Variants in ELF2 observed in about 807,000 individuals in gnomAD.
ELF2 encodes ETS-related transcription factor Elf-2.
Under a neutral mutation model 54.8 loss-of-function variants are expected in ELF2, and 11 were observed. The ratio of observed to expected loss-of-function variants is 0.20; its 90% CI spans 0.13 to 0.33. The LOEUF (loss-of-function observed/expected upper bound fraction) is 0.33, where lower values mean the gene tolerates loss of function less well. Ranked by LOEUF, ELF2 falls within the 10% of genes least tolerant of loss-of-function variation. The pLI, the probability that ELF2 is intolerant of heterozygous loss-of-function variation, is 1.00. For missense variants in ELF2, 513 were observed against 703.0 expected (o/e 0.73, Z 3.06); for synonymous variants, 203 against 245.1 (o/e 0.83, Z 1.61).
intron 4 of ELF2, among the ~76,000 whole-genome samples, chr4:139,098,934 T>C (rs1024404952): frequency 2.6e-5 from 4 of 152,224 alleles, no homozygotes; most frequent in Non-Finnish European, 5.9e-5. Flanking sequence ...TTCTACTATC[T>C]TGATTTATTA....
chr4:139,069,376 A>G (rs1201219948), intron 6 of ELF2, among the ~76,000 whole-genome samples: 2 of 152,202 alleles, frequency 1.3e-5, no homozygotes, highest in Non-Finnish European at 2.9e-5. Flanking sequence ...AAAAAGTAAA[A>G]CAGAAAGTTC....
intron 7 of ELF2, 52 bp from the exon 8 acceptor site, chr4:139,062,109 C>T (rs773968120): frequency 3.3e-6 from 5 of 1,498,768 alleles, no homozygotes; most frequent in Non-Finnish European, 4.6e-6. Context: ...TAATTAAATA[C>T]ATAATTAAAA....
At position 139,058,407 on chromosome 4, in the gene ELF2, GTATA is replaced by G. The variant is rs113800639; in HGVS notation, c.*572_*575del. On this transcript the variant is annotated 3_prime_UTR_variant, in exon 10 of 10. Transcript: ENST00000686138. ...AGCTATATGATATATATATATGTAT[GTATA>G]TATATATATATATATATATAAAATC... The G allele has an allele frequency of 6.8e-3, 962 of 141,982 alleles. 5 individuals are homozygous for G. Among genetic ancestry groups the G allele is most frequent in the African/African-American group, 0.014 (530 of 38,858 alleles). The allele number at this position is 141,982 out of a possible 1,614,324, so 8.8% of individuals were successfully genotyped here. A position where few individuals can be genotyped will look rare whatever the true frequency, so the allele number is the denominator to read the frequency against.
intron 1 of ELF2, among the ~76,000 whole-genome samples, chr4:139,142,018 C>G (rs1194363810): frequency 6.6e-6 from 1 of 152,114 alleles, no homozygotes; most frequent in East Asian, 1.9e-4. Context: ...TATATGATAG[C>G]ACAATTTTAG....
intron 4 of ELF2, among the ~76,000 whole-genome samples, chr4:139,111,553 T>C (rs1057460789): frequency 1.3e-5 from 2 of 148,310 alleles, no homozygotes; most frequent in Admixed American, 6.9e-5. Flanking sequence ...TATTACACAA[T>C]TGACTTAAAG....
intron 4 of ELF2, chr4:139,084,409 A>AACGGCAGGGGCAGGG (rs1731686193): frequency 1.3e-5 from 18 of 1,374,352 alleles, no homozygotes; most frequent in Admixed American, 5.4e-5. Context: ...CCCACCACCT[A>AACGGCAGGGGCAGGG]ACGGCAGGGG....
intron 1 of ELF2, among the ~76,000 whole-genome samples, chr4:139,151,725 C>A (rs547553494): frequency 6.6e-6 from 1 of 152,260 alleles, no homozygotes; most frequent in South Asian, 2.1e-4. Flanking sequence ...TAATTTCCCA[C>A]CCAATATGTG....
intron 1 of ELF2, among the ~76,000 whole-genome samples, chr4:139,164,761 T>C (rs1741557803): frequency 6.6e-6 from 1 of 152,262 alleles, no homozygotes; most frequent in Non-Finnish European, 1.5e-5. Context: ...TCTGTTTCTT[T>C]AAGTTTTTAA....
At chr4:139,063,488 A>G (rs1728192688) in intron 7 of ELF2, among the ~76,000 whole-genome samples, 1 of 152,170 alleles carries the variant, frequency 6.6e-6, no homozygotes, top group Non-Finnish European at 1.5e-5. Context: ...TCTGGATCAC[A>G]CTACTAGTAA....
rs1038169331 is a variant in ELF2, at chr4:139,057,551, G to T, written c.*1432C>A. 13 of 152,240 alleles carry T rather than the reference G, an allele frequency of 8.5e-5. No individual in the cohort carries two copies. Among genetic ancestry groups the T allele is most frequent in the African/African-American group, 3.1e-4 (13 of 41,552 alleles). 9.4% of individuals were successfully genotyped at this position (152,240 alleles called of 1,614,324 possible). A position where few individuals can be genotyped will look rare whatever the true frequency, so the allele number is the denominator to read the frequency against. The stretch of plus-strand genomic sequence containing the variant: ...CTGTAAAAGGGCTAGAAGAGTAATT[G>T]TTCTTTTTAATCCACAAAAGGTCTG... On this transcript the variant is annotated 3_prime_UTR_variant, in exon 10 of 10. Transcript: ENST00000686138.
chr4:139,169,132 G>C (rs889461143), intron 1 of ELF2, among the ~76,000 whole-genome samples: 1 of 151,930 alleles, frequency 6.6e-6, no homozygotes, highest in Non-Finnish European at 1.5e-5. Context: ...CAGATCACTT[G>C]AGGTCAGGAG....
At chr4:139,156,207 G>T (rs545470579) in intron 1 of ELF2, among the ~76,000 whole-genome samples, 3 of 151,482 alleles carry the variant, frequency 2.0e-5, no homozygotes, top group Admixed American at 2.0e-4. Context: ...ACGGAGTCTC[G>T]CTCTGTTGCT....
chr4:139,141,173 G>A (rs80176634), intron 1 of ELF2, among the ~76,000 whole-genome samples: 1,830 of 152,224 alleles, frequency 0.012, 12 homozygotes, highest in East Asian at 0.039. Context: ...CATACCATGT[G>A]TCTAAATATT....
intron 3 of ELF2, among the ~76,000 whole-genome samples, chr4:139,126,675 A>G (rs1310188492): frequency 1.3e-5 from 2 of 152,204 alleles, no homozygotes; most frequent in Admixed American, 6.5e-5. Context: ...TTTCTTCAAA[A>G]TTATGAAGAA....
intron 4 of ELF2, among the ~76,000 whole-genome samples, chr4:139,074,002 C>A (rs1354095413): frequency 1.3e-5 from 2 of 152,174 alleles, no homozygotes; most frequent in South Asian, 2.1e-4. Flanking sequence ...GTGGCACATG[C>A]CTGTAATCCC....
At chr4:139,078,667 T>G (rs1463022370) in intron 4 of ELF2, among the ~76,000 whole-genome samples, 2 of 151,662 alleles carry the variant, frequency 1.3e-5, no homozygotes, top group Non-Finnish European at 2.9e-5. Context: ...TTAATTAAAA[T>G]TAAAAATTGA....
chr4:139,069,873 G>T (rs1270332462), intron 6 of ELF2, among the ~76,000 whole-genome samples: 4 of 151,864 alleles, frequency 2.6e-5, no homozygotes, highest in Non-Finnish European at 4.4e-5. Flanking sequence ...TTGAGACAGG[G>T]TCTCACTCTG....
chr4:139,119,021 C>CA (rs779816191), intron 4 of ELF2, among the ~76,000 whole-genome samples: 38 of 151,838 alleles, frequency 2.5e-4, no homozygotes, highest in East Asian at 1.7e-3. Flanking sequence ...ACTTAAAGGG[C>CA]AAAAAAACAA....
chr4:139,127,102 A>C (rs1736998107), intron 3 of ELF2, among the ~76,000 whole-genome samples: 1 of 152,146 alleles, frequency 6.6e-6, no homozygotes, highest in Non-Finnish European at 1.5e-5. Context: ...TTTTATTGAC[A>C]TTTGGCTTAC....
Sources: allele counts gnomAD v4.1 joint callset (sites outside exome capture counted in the v4.1 genomes callset), GRCh38; gene constraint gnomAD v4.1.1; transcripts MANE v1.5; gene names NCBI Gene and HGNC (gene_info 2026-07-23, HGNC 2026-07-21).